Variants in RAB40A observed in about 807,000 individuals in gnomAD.
RAB40A encodes RAB40A, member RAS oncogene family, also known as ras-related protein Rab-40A.
For synonymous variants in RAB40A, 65 were observed against 99.9 expected (o/e 0.65, Z 2.08); for missense variants, 145 against 230.2 (o/e 0.63, Z 2.40).
At chrX:103,512,134 T>A (rs762200585) in intron 2 of RAB40A, among the ~76,000 whole-genome samples, 1 of 111,901 alleles carries the variant, frequency 8.9e-6, no homozygotes, top group South Asian at 3.8e-4. Context: ...TTCAGACTGA[T>A]ATTCCTTGAG....
downstream of RAB40A, among the ~76,000 whole-genome samples, chrX:103,494,155 T>C (rs2073147578): frequency 8.9e-6 from 1 of 112,469 alleles, no homozygotes; most frequent in Admixed American, 9.4e-5. Context: ...TATCTTGTTG[T>C]AGTTTGGATT....
At chrX:103,501,829 TTGCAAAAGAAAAAGA>T (rs1291733457) in intron 2 of RAB40A, 3 of 122,999 alleles carry the variant, frequency 2.4e-5, no homozygotes, top group South Asian at 7.4e-4. Flanking sequence ...TTTTTTTAAT[TTGCAAAAGAAAAAGA>T]TGCAAAAGAA....
chrX:103,495,902 C>T (rs998396627), downstream of RAB40A, among the ~76,000 whole-genome samples: 1 of 112,080 alleles, frequency 8.9e-6, no homozygotes, highest in African/African-American at 3.2e-5. Context: ...TTTTCATAAG[C>T]TTGATTTCAT....
chrX:103,515,159 C>T (rs2073310218), intron 2 of RAB40A, among the ~76,000 whole-genome samples: 1 of 112,332 alleles, frequency 8.9e-6, no homozygotes, highest in Admixed American at 9.4e-5. Flanking sequence ...GGCATTCAGT[C>T]CCCAGGTCTC....
intron 2 of RAB40A, among the ~76,000 whole-genome samples, chrX:103,516,278 T>C (rs1037928507): frequency 1.8e-5 from 2 of 111,953 alleles, no homozygotes; most frequent in Non-Finnish European, 3.8e-5. Context: ...AATTTTATGA[T>C]AGTGTGAAAG....
At chrX:103,505,092 T>C (rs1388734454) in intron 2 of RAB40A, among the ~76,000 whole-genome samples, 1 of 112,284 alleles carries the variant, frequency 8.9e-6, no homozygotes, top group Non-Finnish European at 1.9e-5. Context: ...TTACGAACTT[T>C]TCATATTTTA....
rs746814533 is a variant in RAB40A at position 103,500,257 on chromosome X, A to G, written c.500T>C (p.Phe167Ser). Reference protein sequence around the residue: ...PLCNFNIIESFTELARIVLLR... With the variant: ...PLCNFNIIESSTELARIVLLR... ...CAGCACTATCCTGGCCAGCTCCGTG[A>G]AAGACTCTATGATGTTGAAATTGCA... Residue 167 changes from phenylalanine to serine, a missense_variant, in exon 3 of 3, where the codon TTC becomes TCC. Transcript: ENST00000304236. 11 of 1,211,507 alleles carry G rather than the reference A, an allele frequency of 9.1e-6. No homozygotes were observed. The Admixed American group carries it at 1.3e-4, about 14-fold the overall frequency.
rs2073219893 is a variant in RAB40A at position 103,500,577 on chromosome X, G to A, written c.180C>T (p.Gly60=). The part of the protein sequence containing the change: ...DYKTTTILLD[G]QRVKLKLWDT... ...CCCAGAGCTTCAGCTTCACCCGCTG[G>A]CCGTCCAGCAGGATGGTGGTCGTCT... The change falls in exon 3 of 3, where the codon GGC becomes GGT. Residue 60 remains glycine, a synonymous_variant. Transcript: ENST00000304236. 8 of 1,211,405 alleles carry A rather than the reference G, an allele frequency of 6.6e-6. No homozygotes were observed. The highest frequency in any genetic ancestry group is 8.9e-6 in the Non-Finnish European group (8 of 895,379).
At position 103,499,877 on chromosome X, in the gene RAB40A, A is replaced by G. The variant is rs2073211835; in HGVS notation, c.*46T>C. 8.4e-7 allele frequency: 1 copy of G among 1,187,521 alleles called. No individual in the cohort carries two copies. ...ACTTCCATCTTCCAGGTGTAACCAG[A>G]GTTTTTCCTGGAGCGATTCCAGCTT... On this transcript the variant is annotated 3_prime_UTR_variant, in exon 3 of 3. Coordinates refer to ENST00000304236, the MANE Select transcript of RAB40A (RefSeq NM_080879.3).
intron 2 of RAB40A, among the ~76,000 whole-genome samples, chrX:103,514,885 TAA>T (rs1194067012): frequency 8.9e-6 from 1 of 111,756 alleles, no homozygotes; most frequent in East Asian, 2.8e-4. Context: ...CTCATTAACT[TAA>T]AAAAAGAGTA....
intron 2 of RAB40A, among the ~76,000 whole-genome samples, chrX:103,516,628 A>G (rs1397861174): frequency 1.8e-5 from 2 of 111,589 alleles, no homozygotes; most frequent in Non-Finnish European, 3.8e-5. Flanking sequence ...CTCTCACCTT[A>G]GCAAATGTTT....
chrX:103,504,392 CTT>C lies in RAB40A; in HGVS notation c.-70-3568_-70-3567del, dbSNP rs768679672. ...TATAATGAAGAAACATCTCAGCTAACTTATTTTTTGGAAGACAGCAACATTTT... is the reference window on the plus strand; with the variant it reads ...TATAATGAAGAAACATCTCAGCTAACATTTTTTGGAAGACAGCAACATTTT... On this transcript the variant is annotated intron_variant, in intron 2 of 2. Coordinates refer to ENST00000304236, the MANE Select transcript of RAB40A (RefSeq NM_080879.3). Among the ~76,000 whole-genome samples the C allele has an allele frequency of 8.3e-4, 93 of 111,833 alleles. 1 individual carries two copies. The highest frequency in any genetic ancestry group is 2.9e-3 in the African/African-American group (88 of 30,820).
At position 103,500,604 on chromosome X, in the gene RAB40A, G is replaced by A; in HGVS notation, c.153C>T (p.Tyr51=). 3.3e-6 allele frequency: 4 copies of A among 1,211,605 alleles called. No homozygotes were observed. The highest frequency in any genetic ancestry group is 4.6e-4 in the Middle Eastern group (2 of 4,354). Residue 51 remains tyrosine, a synonymous_variant, in exon 3 of 3, where the codon TAC becomes TAT. Transcript: ENST00000304236. The part of the protein sequence containing the change: ...SPYSHLGGID[Y]KTTTILLDGQ... ...CGTCCAGCAGGATGGTGGTCGTCTT[G>A]TAGTCGATCCCCCCGAGATGGCTGT...
intron 2 of RAB40A, among the ~76,000 whole-genome samples, chrX:103,505,210 T>C (rs953772622): frequency 8.9e-6 from 1 of 112,477 alleles, no homozygotes; most frequent in African/African-American, 3.2e-5. Flanking sequence ...AGCATTCTAA[T>C]TGTGGTAGAG....
intron 2 of RAB40A, among the ~76,000 whole-genome samples, chrX:103,515,859 C>T (rs191676974): frequency 8.9e-6 from 1 of 112,294 alleles, no homozygotes; most frequent in Admixed American, 9.5e-5. Context: ...GAAGCAAACA[C>T]TGGCACTGTG....
intron 2 of RAB40A, among the ~76,000 whole-genome samples, chrX:103,517,155 A>G (rs2073320938): frequency 8.9e-6 from 1 of 112,014 alleles, no homozygotes; most frequent in Non-Finnish European, 1.9e-5. Context: ...TTTATCATTC[A>G]GTCTTTGTAT....
chrX:103,508,148 C>A (rs1256515643), intron 2 of RAB40A, among the ~76,000 whole-genome samples: 4 of 111,999 alleles, frequency 3.6e-5, no homozygotes, highest in African/African-American at 1.3e-4. Flanking sequence ...TAGGTCTACA[C>A]CCAGGTCTCT....
At chrX:103,503,916 T>C (rs1402832578) in intron 2 of RAB40A, among the ~76,000 whole-genome samples, 1 of 111,825 alleles carries the variant, frequency 8.9e-6, no homozygotes, top group African/African-American at 3.3e-5. Flanking sequence ...CACCATAAAA[T>C]AGAATATAAT....
At chrX:103,505,069 G>T (rs1405575825) in intron 2 of RAB40A, among the ~76,000 whole-genome samples, 1 of 111,808 alleles carries the variant, frequency 8.9e-6, no homozygotes, top group Non-Finnish European at 1.9e-5. Context: ...TCTAACACTA[G>T]AGATTTGCCT....
Sources: gnomAD v4.1 joint callset for allele counts (sites outside exome capture counted in the v4.1 genomes callset) on GRCh38, gnomAD v4.1.1 for gene constraint, MANE v1.5 for transcripts, NCBI Gene and HGNC (gene_info 2026-07-23, HGNC 2026-07-21) for gene names.